The following HARS2 variants were observed in gnomAD, a reference collection of about 807,000 sequenced individuals.
HARS2 encodes the protein histidine--tRNA ligase, mitochondrial.
In HARS2, 40 loss-of-function variants were observed where a neutral mutation model predicts 62.4. That is an observed-to-expected ratio of 0.64 (90% CI 0.50 to 0.83). The LOEUF (loss-of-function observed/expected upper bound fraction) is 0.83. Among genes scored for constraint, HARS2 ranks in the 40% least tolerant of loss-of-function variants. The probability of loss-of-function intolerance (pLI) is 0.00; values close to 1 mark genes in which losing one functional copy is unlikely to be tolerated. For synonymous variants in HARS2, 228 were observed against 227.0 expected (o/e 1.00, Z -0.04); for missense variants, 569 against 626.4 (o/e 0.91, Z 0.98).
intron 7 of HARS2, 22 bp downstream of exon 7, chr5:140,696,223 A>C (rs1213443468): frequency 6.8e-7 from 1 of 1,467,602 alleles, no homozygotes; most frequent in Non-Finnish European, 9.6e-7. Flanking sequence ...GACATACTTC[A>C]GTAGACCCTA....
rs1161981878 is a variant in HARS2 at position 140,691,699 on chromosome 5, C to G, written c.51C>G (p.Ser17Arg). 3.9e-6 allele frequency: 6 copies of G among 1,552,510 alleles called. No individual in the cohort carries two copies. The East Asian group carries it at 1.5e-4, about 38-fold the overall frequency. The change falls in exon 1 of 13, where the codon AGC becomes AGG. Residue 17 changes from serine to arginine, a missense_variant. Physicochemically the swap from Ser to Arg is moderately radical, Grantham distance 110 (BLOSUM62 -1). Transcript: ENST00000230771. ...GGAGGGCCTGGGCTTCGCTGCTCAGCCAGCTCCTGCGACCGCCCTGCGCTT... is the reference window on the plus strand; with the variant it reads ...GGAGGGCCTGGGCTTCGCTGCTCAGGCAGCTCCTGCGACCGCCCTGCGCTT... ...LPRRAWASLL[S>R]QLLRPPCASC... is the part of the protein sequence containing the mutation.
At position 140,694,271 on chromosome 5, in the gene HARS2, T is replaced by C; in HGVS notation, c.390T>C (p.Tyr130=). The part of the protein sequence containing the change: ...DQGGELLSLR[Y]DLTVPFARYL... Reference sequence around the variant, plus strand: ...GTGGAGAGCTGTTGTCCCTCCGCTATGACCTTACTGTATCCTTTTGAGTAC... The same window carrying C: ...GTGGAGAGCTGTTGTCCCTCCGCTACGACCTTACTGTATCCTTTTGAGTAC... Residue 130 remains tyrosine (Y), a synonymous_variant, in exon 4 of 13, where the codon TAT becomes TAC. Transcript: ENST00000230771. 6.2e-7 allele frequency: 1 copy of C among 1,605,458 alleles called. No individual in the cohort carries two copies. Among genetic ancestry groups the C allele is most frequent in the Non-Finnish European group, 8.5e-7 (1 of 1,171,980 alleles).
chr5:140,698,374 C>A, intron 12 of HARS2, 119 bp from the exon 13 acceptor site: 2 of 859,634 alleles, frequency 2.3e-6, no homozygotes, highest in East Asian at 4.8e-5. Flanking sequence ...CCACACTACT[C>A]CTTTCTGGTT....
At position 140,698,847 on chromosome 5, in the gene HARS2, C is replaced by T. The variant is rs929603266; in HGVS notation, c.*295C>T. ...TTGTCAAGAGGTAGTGAGATTGTTG[C>T]TGTGAGCAAGGCTCTGGGAGAGTCA... On this transcript the variant is annotated 3_prime_UTR_variant, in exon 13 of 13. Transcript: ENST00000230771. 4.4e-6 allele frequency: 2 copies of T among 458,126 alleles called. No individual in the cohort carries two copies. Among genetic ancestry groups the T allele is most frequent in the Non-Finnish European group, 8.1e-6 (2 of 248,176 alleles). 28.4% of individuals were successfully genotyped at this position (458,126 alleles called of 1,614,324 possible).
chr5:140,691,458 G>A lies in HARS2; in HGVS notation c.-191G>A. ...ATTTCCGGCTCCTCCCGGAAGTGCCGAAGCTGGCTACTAAGGGAACTTGGG... is the reference window on the plus strand; with the variant it reads ...ATTTCCGGCTCCTCCCGGAAGTGCCAAAGCTGGCTACTAAGGGAACTTGGG... On this transcript the variant is annotated 5_prime_UTR_variant, in exon 1 of 13. Transcript: ENST00000230771. 2 of 717,334 alleles carry A rather than the reference G, an allele frequency of 2.8e-6. No homozygotes were observed. Among genetic ancestry groups the A allele is most frequent in the Non-Finnish European group, 2.3e-6 (1 of 428,794 alleles). 44.4% of individuals were successfully genotyped at this position (717,334 alleles called of 1,614,324 possible).
At position 140,693,607 on chromosome 5, in the gene HARS2, T is replaced by G. The variant is rs146046742; in HGVS notation, c.125T>G (p.Leu42Ter). Residue 42 changes from leucine to a stop codon, truncating the protein, a stop_gained, in exon 2 of 13, where the codon TTA (leucine) becomes TGA (stop). Coordinates refer to ENST00000230771, the MANE Select transcript of HARS2 (RefSeq NM_012208.4). LOFTEE classifies it high-confidence loss of function. ...RCQSQVAEAVLTSQLKAHQEK... is the reference protein window; with the variant it reads ...RCQSQVAEAV ...TTCTGCCAGGTTGCAGAGGCAGTGT[T>G]AACATCCCAACTGAAAGCACATCAA... 167 of 1,613,920 alleles carry G rather than the reference T, an allele frequency of 1.0e-4. No homozygotes were observed. The highest frequency in any genetic ancestry group is 1.2e-4 in the Non-Finnish European group (147 of 1,179,912).
chr5:140,696,858 A>G, intron 8 of HARS2, 85 bp from the exon 9 acceptor site: 2 of 1,119,918 alleles, frequency 1.8e-6, no homozygotes, highest in South Asian at 2.7e-5. Flanking sequence ...TTTAAAGAAA[A>G]TGAGGAAGAC....
At position 140,696,184 on chromosome 5, in the gene HARS2, A is replaced by G. The variant is rs1246347546; in HGVS notation, c.715A>G (p.Ile239Val). ...CAAGTTCCGTGCCATCTGCTCCTCCATAGATAAACTAGACAAGGTAACAAA... is the reference window on the plus strand; with the variant it reads ...CAAGTTCCGTGCCATCTGCTCCTCCGTAGATAAACTAGACAAGGTAACAAA... The part of the protein sequence containing the change: ...ESKFRAICSS[I>V]DKLDKMAWKD... Residue 239 changes from isoleucine (I) to valine (V), a missense_variant, in exon 7 of 13, where the codon ATA (isoleucine) becomes GTA (valine). Ile to Val is a conservative substitution (Grantham distance 29, BLOSUM62 3). Coordinates refer to ENST00000230771, the MANE Select transcript of HARS2 (RefSeq NM_012208.4). 1 of 1,609,980 alleles carries G rather than the reference A, an allele frequency of 6.2e-7. No homozygotes were observed. Among genetic ancestry groups the G allele is most frequent in the African/African-American group, 1.3e-5 (1 of 74,966 alleles).
chr5:140,693,701 C>T, intron 2 of HARS2, 36 bp downstream of exon 2: 1 of 1,508,388 alleles, frequency 6.6e-7, no homozygotes. Flanking sequence ...CATTAGAGTG[C>T]CTTGGAGGAC....
intron 11 of HARS2, 97 bp downstream of exon 11, chr5:140,697,782 T>C: frequency 1.6e-6 from 2 of 1,254,056 alleles, no homozygotes; most frequent in Non-Finnish European, 2.3e-6. Context: ...TCAAAACCTT[T>C]TTAGTCTGCT....
intron 2 of HARS2, 39 bp from the exon 3 acceptor site, chr5:140,693,896 T>C (rs1474038519): frequency 6.2e-7 from 1 of 1,612,876 alleles, no homozygotes; most frequent in African/African-American, 1.3e-5. Context: ...GGACTTATTT[T>C]TTGTTTTTGT....
At position 140,691,866 on chromosome 5, in the gene HARS2, C is replaced by G. The variant is rs1477792567; in HGVS notation, c.108+110C>G. On this transcript the variant is annotated intron_variant, in intron 1 of 12. Coordinates refer to ENST00000230771, the MANE Select transcript of HARS2 (RefSeq NM_012208.4). ...TGTTACAATCGGTTTTTATCGAGTGCCCACTATGTACTGACACTGAACTAA... is the reference window on the plus strand; with the variant it reads ...TGTTACAATCGGTTTTTATCGAGTGGCCACTATGTACTGACACTGAACTAA... 2 of 779,896 alleles carry G rather than the reference C, an allele frequency of 2.6e-6. 1 individual carries two copies. The highest frequency in any genetic ancestry group is 3.4e-5 in the African/African-American group (2 of 58,722). 48.3% of individuals were successfully genotyped at this position (779,896 alleles called of 1,614,324 possible).
At position 140,697,418 on chromosome 5, in the gene HARS2, A is replaced by G. The variant is rs1759795048; in HGVS notation, c.1197+12A>G. 1.2e-6 allele frequency: 2 copies of G among 1,613,632 alleles called. No individual in the cohort carries two copies. The highest frequency in any genetic ancestry group is 1.1e-5 in the South Asian group (1 of 91,086). On this transcript the variant is annotated intron_variant, in intron 10 of 12. Coordinates refer to ENST00000230771, the MANE Select transcript of HARS2 (RefSeq NM_012208.4). ...AGCAGAGGATGAAGGTAGGTCCTAGATAGGTGTGAGGTGGGGCTGGAGACC... is the reference window on the plus strand; with the variant it reads ...AGCAGAGGATGAAGGTAGGTCCTAGGTAGGTGTGAGGTGGGGCTGGAGACC...
intron 12 of HARS2, 69 bp from the exon 13 acceptor site, chr5:140,698,424 G>T (rs1223312844): frequency 1.4e-5 from 17 of 1,180,946 alleles, no homozygotes; most frequent in Non-Finnish European, 1.9e-5. Context: ...AAACAAATCT[G>T]GAAAAACAGT....
In HARS2 at chr5:140,695,756, C is replaced by A; in HGVS notation, c.544C>A (p.Gln182Lys). Reference protein sequence around the residue: ...FCQCDFDIAGQFDPMIPDAEC... With the variant: ...FCQCDFDIAGKFDPMIPDAEC... ...GCTGTAGGATTTTGACATTGCTGGT[C>A]AGTTTGACCCTATGATCCCCGATGC... The change falls in exon 6 of 13, where the codon CAG becomes AAG. Residue 182 changes from glutamine to lysine, a missense_variant. Coordinates refer to ENST00000230771, the MANE Select transcript of HARS2 (RefSeq NM_012208.4). 6.2e-7 allele frequency: 1 copy of A among 1,613,748 alleles called. No individual in the cohort carries two copies. Among genetic ancestry groups the A allele is most frequent in the Non-Finnish European group, 8.5e-7 (1 of 1,179,740 alleles).
chr5:140,698,614 T>A lies in HARS2; in HGVS notation c.*62T>A. 6.3e-6 allele frequency: 8 copies of A among 1,261,070 alleles called. No individual in the cohort carries two copies. Among genetic ancestry groups the A allele is most frequent in the Non-Finnish European group, 8.2e-6 (7 of 857,040 alleles). 78.1% of individuals were successfully genotyped at this position (1,261,070 alleles called of 1,614,324 possible). ...AAGGTTTCCTCTAGAACTGAATTCCTCTGGAATTGAGTGATGGACTTCACA... is the reference window on the plus strand; with the variant it reads ...AAGGTTTCCTCTAGAACTGAATTCCACTGGAATTGAGTGATGGACTTCACA... On this transcript the variant is annotated 3_prime_UTR_variant, in exon 13 of 13. Transcript: ENST00000230771.
intron 1 of HARS2, among the ~76,000 whole-genome samples, chr5:140,693,322 ACT>A (rs1306967510): frequency 6.9e-6 from 1 of 144,538 alleles, no homozygotes; most frequent in Non-Finnish European, 1.5e-5. Flanking sequence ...ACAGACCGAG[ACT>A]CTGTCTCAAA....
At chr5:140,692,971 T>C (rs1269620043) in intron 1 of HARS2, among the ~76,000 whole-genome samples, 1 of 152,006 alleles carries the variant, frequency 6.6e-6, no homozygotes, top group Non-Finnish European at 1.5e-5. Context: ...TACCCCTGAA[T>C]GGTTGGTGTT....
Position 140,691,593 on chromosome 5 carries a change from C to A in HARS2, c.-56C>A. The A allele has an allele frequency of 8.4e-7, 1 of 1,188,662 alleles. No individual in the cohort carries two copies. Among genetic ancestry groups the A allele is most frequent in the Non-Finnish European group, 1.2e-6 (1 of 818,848 alleles). The allele number at this position is 1,188,662 out of a possible 1,614,324, so 73.6% of individuals were successfully genotyped here. On this transcript the variant is annotated 5_prime_UTR_variant, in exon 1 of 13. Coordinates refer to ENST00000230771, the MANE Select transcript of HARS2 (RefSeq NM_012208.4). Reference sequence around the variant, plus strand: ...CCTCCACCCTTCCTGGTGTCTGACCCGCCTCCTTCCCAGGCCTTTTGTTCC... The same window carrying A: ...CCTCCACCCTTCCTGGTGTCTGACCAGCCTCCTTCCCAGGCCTTTTGTTCC...
Sources: allele counts gnomAD v4.1 joint callset (sites outside exome capture counted in the v4.1 genomes callset), GRCh38; gene constraint gnomAD v4.1.1; transcripts MANE v1.5; gene names NCBI Gene and HGNC (gene_info 2026-07-23, HGNC 2026-07-21).